FBXO42: variants seen among roughly 807,000 people sequenced by gnomAD.
The protein encoded by FBXO42 is F-box only protein 42.
Under a neutral mutation model 71.7 loss-of-function variants are expected in FBXO42, and 12 were observed. The ratio of observed to expected loss-of-function variants is 0.17; its 90% confidence interval spans 0.11 to 0.27. FBXO42 has a LOEUF of 0.27. Ranked by LOEUF, FBXO42 falls within the 10% of genes least tolerant of loss-of-function variation. The probability of loss-of-function intolerance (pLI) is 1.00; values close to 1 mark genes in which losing one functional copy is unlikely to be tolerated. For missense variants in FBXO42, 707 were observed against 911.9 expected (o/e 0.78, Z 2.89); for synonymous variants, 325 against 327.5 (o/e 0.99, Z 0.08).
intron 2 of FBXO42, among the ~76,000 whole-genome samples, chr1:16,313,320 A>AAAAGAAAGAAAGAAAGAAAG (rs1205235258): frequency 2.7e-5 from 3 of 110,224 alleles, no homozygotes; most frequent in African/African-American, 1.2e-4. Flanking sequence ...AAGAGAAAAG[A>AAAAGAAAGAAAGAAAGAAAG]AAACAAAGAA....
intron 4 of FBXO42, chr1:16,293,969 G>C (rs1476392701): frequency 6.6e-6 from 1 of 152,158 alleles, no homozygotes; most frequent in Non-Finnish European, 1.5e-5. Flanking sequence ...GGTAATCAAA[G>C]TAGTAAGGCA....
intron 4 of FBXO42, among the ~76,000 whole-genome samples, chr1:16,290,038 G>A (rs1234285728): frequency 6.6e-6 from 1 of 152,170 alleles, no homozygotes; most frequent in Non-Finnish European, 1.5e-5. Context: ...GAGGGCAGGG[G>A]CCACAAAAGC....
chr1:16,319,996 A>C (rs2082398913), intron 1 of FBXO42, among the ~76,000 whole-genome samples: 1 of 152,028 alleles, frequency 6.6e-6, no homozygotes, highest in Non-Finnish European at 1.5e-5. Flanking sequence ...GTTTTTCAAC[A>C]TGACTGACTC....
chr1:16,340,684 T>C (rs78434210), intron 1 of FBXO42, among the ~76,000 whole-genome samples: 3,987 of 152,286 alleles, frequency 0.026, 178 homozygotes, highest in African/African-American at 0.089. Context: ...CTTAACCTTA[T>C]GTTCTCATTT....
At chr1:16,315,055 C>T in intron 2 of FBXO42, 114 bp downstream of exon 2, 1 of 1,191,510 alleles carries the variant, frequency 8.4e-7, no homozygotes, top group Non-Finnish European at 1.2e-6. Context: ...TCGTCTAATG[C>T]TAGATTTTAT....
chr1:16,319,314 C>T (rs1287425333), intron 1 of FBXO42, among the ~76,000 whole-genome samples: 1 of 152,202 alleles, frequency 6.6e-6, no homozygotes, highest in Non-Finnish European at 1.5e-5. Context: ...TTATGTGTAA[C>T]ATCTTTTAAA....
At position 16,315,165 on chromosome 1, in the gene FBXO42, G is replaced by C. The variant is rs774544026; in HGVS notation, c.250+4C>G. 2 of 1,605,512 alleles carry C rather than the reference G, an allele frequency of 1.2e-6. No individual in the cohort carries two copies. The highest frequency in any genetic ancestry group is 1.7e-6 in the Non-Finnish European group (2 of 1,173,886). On this transcript the variant is annotated splice_donor_region_variant and intron_variant, in intron 2 of 9. Coordinates refer to ENST00000375592, the MANE Select transcript of FBXO42 (RefSeq NM_018994.3). ...TAAATAAACCTTTCTCCTATCCACA[G>C]TACCTTTGATAAGTCGATACCACTG...
At chr1:16,344,718 T>A (rs1171787257) in intron 1 of FBXO42, among the ~76,000 whole-genome samples, 2 of 152,152 alleles carry the variant, frequency 1.3e-5, no homozygotes, top group African/African-American at 4.8e-5. Context: ...AATATTTCAG[T>A]ATGAGACAAA....
chr1:16,296,132 C>A (rs891868541), intron 3 of FBXO42, among the ~76,000 whole-genome samples: 1 of 152,194 alleles, frequency 6.6e-6, no homozygotes, highest in Non-Finnish European at 1.5e-5. Flanking sequence ...CTGCCCCTTG[C>A]GGTCTCTATC....
intron 1 of FBXO42, among the ~76,000 whole-genome samples, chr1:16,341,088 G>A (rs2082600295): frequency 6.6e-6 from 1 of 152,178 alleles, no homozygotes; most frequent in African/African-American, 2.4e-5. Context: ...AATATGGAAT[G>A]ATCTCCAAAA....
At chr1:16,308,944 T>C (rs1489206970) in intron 2 of FBXO42, among the ~76,000 whole-genome samples, 1 of 150,746 alleles carries the variant, frequency 6.6e-6, no homozygotes, top group Non-Finnish European at 1.5e-5. Flanking sequence ...GGTTTCACCA[T>C]GTTGGCCAAG....
rs2082425874 is a variant in FBXO42, at chr1:16,323,640, A to T, written c.-17-8205T>A. On this transcript the variant is annotated intron_variant, in intron 1 of 9. Coordinates refer to ENST00000375592, the MANE Select transcript of FBXO42 (RefSeq NM_018994.3). The stretch of plus-strand genomic sequence containing the variant: ...GGTGAGACCCCTACTAAAAACAAAA[A>T]TTAGCCAGGCGTGGTGGTGTGCACC... Among the ~76,000 whole-genome samples the T allele has an allele frequency of 4.0e-5, 6 of 150,930 alleles. No individual in the cohort carries two copies. The Admixed American group carries it at 4.0e-4, about 10-fold the overall frequency.
At chr1:16,282,539 A>T (rs1240658991) in intron 4 of FBXO42, among the ~76,000 whole-genome samples, 63 of 30,806 alleles carry the variant, frequency 2.0e-3, no homozygotes, top group East Asian at 9.6e-3. Flanking sequence ...TTCTCTTTTA[A>T]AAAAAAAAAA....
intron 2 of FBXO42, among the ~76,000 whole-genome samples, chr1:16,308,343 G>C (rs2082274800): frequency 6.6e-6 from 1 of 152,092 alleles, no homozygotes. Context: ...CTTTTGCCAG[G>C]CTCAGTGGTG....
Position 16,352,454 on chromosome 1 carries a change from T to A in FBXO42, c.-217A>T. Reference sequence around the variant, plus strand: ...ACGCCGCCGCCGCCGCAGCTGCTGCTGCTCAGGCCGGGAGAAGACAGCGCA... The same window carrying A: ...ACGCCGCCGCCGCCGCAGCTGCTGCAGCTCAGGCCGGGAGAAGACAGCGCA... On this transcript the variant is annotated 5_prime_UTR_variant, in exon 1 of 10. Coordinates refer to ENST00000375592, the MANE Select transcript of FBXO42 (RefSeq NM_018994.3). The A allele has an allele frequency of 2.5e-6, 1 of 398,462 alleles. No homozygotes were observed. Among genetic ancestry groups the A allele is most frequent in the Non-Finnish European group, 4.4e-6 (1 of 226,110 alleles). 24.7% of individuals were successfully genotyped at this position (398,462 alleles called of 1,614,324 possible).
chr1:16,296,554 G>A (rs1383447418), intron 3 of FBXO42, among the ~76,000 whole-genome samples: 1 of 151,342 alleles, frequency 6.6e-6, no homozygotes, highest in Non-Finnish European at 1.5e-5. Context: ...GGAGGCTGAG[G>A]CAGGAGAATC....
At chr1:16,328,903 G>A (rs937191107) in intron 1 of FBXO42, among the ~76,000 whole-genome samples, 4 of 152,042 alleles carry the variant, frequency 2.6e-5, no homozygotes, top group Non-Finnish European at 4.4e-5. Context: ...GGTGGCTCAC[G>A]CCTGTAATCC....
intron 4 of FBXO42, among the ~76,000 whole-genome samples, chr1:16,268,135 T>TA (rs1557575612): frequency 6.7e-6 from 1 of 149,988 alleles, no homozygotes; most frequent in Non-Finnish European, 1.5e-5. Flanking sequence ...GTGGGGGGCA[T>TA]AGGGGGTACT....
intron 1 of FBXO42, among the ~76,000 whole-genome samples, chr1:16,329,954 G>A (rs1471049748): frequency 4.0e-5 from 6 of 151,586 alleles, no homozygotes; most frequent in East Asian, 1.9e-4. Flanking sequence ...ATCTCAGGGC[G>A]GGGGAAACAA....
Sources: allele counts gnomAD v4.1 joint callset (sites outside exome capture counted in the v4.1 genomes callset), GRCh38; gene constraint gnomAD v4.1.1; transcripts MANE v1.5; gene names NCBI Gene and HGNC (gene_info 2026-07-23, HGNC 2026-07-21).